The following R3HDM2 variants were observed in gnomAD, a reference collection of about 807,000 sequenced individuals.
R3HDM2 encodes R3H domain-containing protein 2.
R3HDM2 carries 38 observed loss-of-function variants against 124.5 expected under a neutral mutation model. The ratio of observed to expected loss-of-function variants is 0.31; its 90% confidence interval spans 0.24 to 0.40. The LOEUF (loss-of-function observed/expected upper bound fraction) is 0.40. Ranked by LOEUF, R3HDM2 falls within the 10% of genes least tolerant of loss-of-function variation. The pLI is 1.00. For missense variants in R3HDM2, 869 were observed against 1,236.9 expected, an observed-to-expected ratio of 0.70 and a Z score of 4.46; for synonymous variants, 391 against 448.0, an observed-to-expected ratio of 0.87 and a Z score of 1.61.
chr12:57,327,789 G>C (rs1014512137), intron 2 of R3HDM2, among the ~76,000 whole-genome samples: 8 of 152,118 alleles, frequency 5.3e-5, no homozygotes, highest in Admixed American at 5.2e-4. Context: ...GCAATCTCAT[G>C]GTAAAACTTC....
At chr12:57,352,396 A>T (rs991464974) in intron 2 of R3HDM2, among the ~76,000 whole-genome samples, 1 of 152,080 alleles carries the variant, frequency 6.6e-6, no homozygotes, top group African/African-American at 2.4e-5. Flanking sequence ...CAGTTCCCCC[A>T]TGTCGATCTT....
intron 2 of R3HDM2, among the ~76,000 whole-genome samples, chr12:57,319,408 C>T (rs1337593753): frequency 1.3e-5 from 2 of 152,078 alleles, no homozygotes; most frequent in African/African-American, 2.4e-5. Context: ...TGAAAAATGT[C>T]CCTGCTTGTA....
At chr12:57,343,764 T>TAAA (rs5798403) in intron 2 of R3HDM2, among the ~76,000 whole-genome samples, 3 of 111,654 alleles carry the variant, frequency 2.7e-5, no homozygotes, top group Non-Finnish European at 1.9e-5. Flanking sequence ...TACAAAAGGT[T>TAAA]AAAAAAAAAA....
intron 19 of R3HDM2, among the ~76,000 whole-genome samples, chr12:57,264,571 CA>C (rs1228367249): frequency 6.9e-6 from 1 of 144,930 alleles, no homozygotes. Flanking sequence ...GACTCTGTCT[CA>C]AAAAAAAGAA....
At chr12:57,417,450 T>C (rs1243441753) in intron 1 of R3HDM2, among the ~76,000 whole-genome samples, 2 of 151,782 alleles carry the variant, frequency 1.3e-5, no homozygotes, top group East Asian at 3.9e-4. Flanking sequence ...CACATGATGA[T>C]GGTCATATAA....
chr12:57,297,485 GA>G, intron 7 of R3HDM2, 98 bp from the exon 8 acceptor site: 1 of 716,478 alleles, frequency 1.4e-6, no homozygotes, highest in African/African-American at 1.8e-5. Context: ...GCTCATTACA[GA>G]AGCTGAAAAA....
chr12:57,349,950 C>G (rs561828732), intron 2 of R3HDM2, among the ~76,000 whole-genome samples: 8 of 152,076 alleles, frequency 5.3e-5, no homozygotes, highest in Non-Finnish European at 8.8e-5. Flanking sequence ...CAATGGCTCA[C>G]GCCTGTAATC....
At chr12:57,276,208 TAAAA>T (rs1263227424) in intron 14 of R3HDM2, among the ~76,000 whole-genome samples, 1 of 105,348 alleles carries the variant, frequency 9.5e-6, no homozygotes, top group Non-Finnish European at 1.9e-5. Flanking sequence ...AGACTCCATC[TAAAA>T]AAAAAAAAAA....
At chr12:57,330,567 A>C (rs909824598) in intron 2 of R3HDM2, among the ~76,000 whole-genome samples, 4 of 141,950 alleles carry the variant, frequency 2.8e-5, no homozygotes, top group African/African-American at 7.9e-5. Flanking sequence ...CTGGTCTTGA[A>C]CTCCTGACCT....
At chr12:57,348,220 T>C (rs2060255563) in intron 2 of R3HDM2, among the ~76,000 whole-genome samples, 1 of 152,018 alleles carries the variant, frequency 6.6e-6, no homozygotes, top group Non-Finnish European at 1.5e-5. Context: ...GCCCAGGAGT[T>C]CAAGATCAGC....
At chr12:57,421,575 G>A (rs1053132732) in intron 1 of R3HDM2, among the ~76,000 whole-genome samples, 2 of 149,910 alleles carry the variant, frequency 1.3e-5, no homozygotes, top group African/African-American at 4.9e-5. Flanking sequence ...TGGTGGGATT[G>A]TGGCTTACTG....
intron 20 of R3HDM2, 29 bp from the exon 21 acceptor site, chr12:57,258,166 A>G: frequency 1.4e-6 from 2 of 1,481,280 alleles, no homozygotes; most frequent in Non-Finnish European, 1.8e-6. Flanking sequence ...CACGTCACAT[A>G]AACATCAAAC....
At chr12:57,323,935 T>A (rs1388120816) in intron 2 of R3HDM2, among the ~76,000 whole-genome samples, 1 of 152,130 alleles carries the variant, frequency 6.6e-6, no homozygotes, top group Non-Finnish European at 1.5e-5. Flanking sequence ...GCAGAAAGCA[T>A]CGCAGAATCT....
At chr12:57,403,846 C>T (rs1333652268) in intron 1 of R3HDM2, among the ~76,000 whole-genome samples, 2 of 151,602 alleles carry the variant, frequency 1.3e-5, no homozygotes, top group Non-Finnish European at 2.9e-5. Flanking sequence ...ATGGAAACTC[C>T]ATTTCATACT....
At chr12:57,339,717 G>C (rs2059325675) in intron 2 of R3HDM2, among the ~76,000 whole-genome samples, 2 of 151,836 alleles carry the variant, frequency 1.3e-5, no homozygotes. Flanking sequence ...AAAAGAGAGA[G>C]AGAGAAGGAG....
In R3HDM2 at chr12:57,254,761, C is replaced by T. The variant is rs767876842; in HGVS notation, c.*12G>A. ...TTGCTCCTTCTGTGACAGTCCCTTTCCCCTCCTCCATTTATTGGGAGCTGG... is the reference window on the plus strand; with the variant it reads ...TTGCTCCTTCTGTGACAGTCCCTTTTCCCTCCTCCATTTATTGGGAGCTGG... On this transcript the variant is annotated 3_prime_UTR_variant, in exon 24 of 24. Coordinates refer to ENST00000402412, the MANE Select transcript of R3HDM2 (RefSeq NM_001394031.1). The T allele has an allele frequency of 1.3e-6, 2 of 1,509,448 alleles. No homozygotes were observed. 93.5% of individuals were successfully genotyped at this position (1,509,448 alleles called of 1,614,324 possible). A position where few individuals can be genotyped will look rare whatever the true frequency, so the allele number is the denominator to read the frequency against.
chr12:57,391,016 TAAA>T (rs1254447824), intron 2 of R3HDM2, among the ~76,000 whole-genome samples: 1 of 90,344 alleles, frequency 1.1e-5, no homozygotes. Flanking sequence ...CCGTCTCAAA[TAAA>T]AAAAAAAAAA....
chr12:57,288,404 A>C (rs1007786683), intron 12 of R3HDM2, among the ~76,000 whole-genome samples: 6 of 151,724 alleles, frequency 4.0e-5, no homozygotes, highest in African/African-American at 1.5e-4. Flanking sequence ...CTCTATATAT[A>C]TATATGTATT....
chr12:57,259,229 T>C (rs1388507994), intron 19 of R3HDM2, among the ~76,000 whole-genome samples, 170 bp from the exon 20 acceptor site: 2 of 152,234 alleles, frequency 1.3e-5, no homozygotes, highest in Non-Finnish European at 2.9e-5. Flanking sequence ...TGACTCCATC[T>C]TCTCAAACCA....
Sources: gnomAD v4.1 joint callset for allele counts (sites outside exome capture counted in the v4.1 genomes callset) on GRCh38, gnomAD v4.1.1 for gene constraint, MANE v1.5 for transcripts, NCBI Gene and HGNC (gene_info 2026-07-23, HGNC 2026-07-21) for gene names.